Variants in NADK observed in about 807,000 individuals in gnomAD.
NADK encodes the protein poly(P)/ATP NAD kinase.
In NADK, 22 loss-of-function variants were observed where a neutral mutation model predicts 49.8. The ratio of observed to expected loss-of-function variants is 0.44; its 90% CI spans 0.32 to 0.63. NADK has a LOEUF of 0.63. Ranked by LOEUF, NADK falls within the 30% of genes least tolerant of loss-of-function variation. The probability of loss-of-function intolerance (pLI) is 0.06; values close to 1 mark genes in which losing one functional copy is unlikely to be tolerated. For synonymous variants in NADK, 268 were observed against 253.7 expected, an observed-to-expected ratio of 1.06 and a Z score of -0.54; for missense variants, 438 against 609.4, an observed-to-expected ratio of 0.72 and a Z score of 2.96.
At chr1:1,772,243 G>A (rs1325315596) in intron 1 of NADK, among the ~76,000 whole-genome samples, 1 of 151,438 alleles carries the variant, frequency 6.6e-6, no homozygotes, top group African/African-American at 2.4e-5. Flanking sequence ...GTTCACTGTA[G>A]CCTCTACCTA....
rs1646267422 is a variant in NADK at position 1,778,180 on chromosome 1, G to A, written c.-41+109C>T. 6.6e-6 allele frequency: 1 copy of A among 152,274 alleles called. No homozygotes were observed. Among genetic ancestry groups the A allele is most frequent in the Admixed American group, 6.5e-5 (1 of 15,290 alleles). The allele number at this position is 152,274 out of a possible 1,614,324, so 9.4% of individuals were successfully genotyped here. A position where few individuals can be genotyped will look rare whatever the true frequency, so the allele number is the denominator to read the frequency against. On this transcript the variant is annotated intron_variant, in intron 1 of 11. Coordinates refer to ENST00000341426, the MANE Select transcript of NADK (RefSeq NM_023018.5). This position sits in a 1 kb window ranked among gnomAD's most constrained non-coding sequence, Gnocchi z 4.9. Reference sequence around the variant, plus strand: ...CCACGGCCTCCTCAGCAGGCCAGATGGGCAGGGCCGGCCTGGTGTCTCCCC... The same window carrying A: ...CCACGGCCTCCTCAGCAGGCCAGATAGGCAGGGCCGGCCTGGTGTCTCCCC...
intron 1 of NADK, among the ~76,000 whole-genome samples, chr1:1,766,690 CTT>C (rs749259178): frequency 7.0e-5 from 10 of 143,246 alleles, no homozygotes; most frequent in Non-Finnish European, 7.7e-5. Flanking sequence ...TTTTCTTTTT[CTT>C]TTTTTTTTTT....
rs201229178 is a variant in NADK at position 1,765,322 on chromosome 1, C to T, written c.85G>A (p.Asp29Asn). 99 of 1,613,656 alleles carry T rather than the reference C, an allele frequency of 6.1e-5. No homozygotes were observed. Among genetic ancestry groups the T allele is most frequent in the Non-Finnish European group, 5.7e-5 (67 of 1,179,864 alleles). ...GGGTGGTTGTAACTCCAGGTCTCATCGCCGTGGCAGGCCGAGCAGCAGTAA... is the reference window on the plus strand; with the variant it reads ...GGGTGGTTGTAACTCCAGGTCTCATTGCCGTGGCAGGCCGAGCAGCAGTAA... Reference protein sequence around the residue: ...AAYCCSACHGDETWSYNHPIR... With the variant: ...AAYCCSACHGNETWSYNHPIR... Residue 29 changes from aspartate (D) to asparagine (N), a missense_variant, in exon 2 of 12, where the codon GAT becomes AAT. By Grantham distance (23) the Asp-to-Asn change is conservative. Coordinates refer to ENST00000341426, the MANE Select transcript of NADK (RefSeq NM_023018.5).
At chr1:1,777,869 A>G (rs554672272) in intron 1 of NADK, among the ~76,000 whole-genome samples, 1 of 152,180 alleles carries the variant, frequency 6.6e-6, no homozygotes, top group South Asian at 2.1e-4. Flanking sequence ...TGCTGTATAG[A>G]ATCTTTTATT....
chr1:1,754,025 G>A lies in NADK; in HGVS notation c.1101+26C>T, dbSNP rs369525449. 25 of 1,547,582 alleles carry A rather than the reference G, an allele frequency of 1.6e-5. No individual in the cohort carries two copies. The highest frequency in any genetic ancestry group is 5.5e-5 in the African/African-American group (4 of 72,340). ...CACGGGGTCAAATGACTCACAAACCGGAAAAGGAGTGTCGTTGGCTCTGAC... is the reference window on the plus strand; with the variant it reads ...CACGGGGTCAAATGACTCACAAACCAGAAAAGGAGTGTCGTTGGCTCTGAC... On this transcript the variant is annotated intron_variant, in intron 10 of 11. Transcript: ENST00000341426. This position sits in a 1 kb window ranked among gnomAD's most constrained non-coding sequence, Gnocchi z 4.3.
At chr1:1,769,617 G>A (rs548633563) in intron 1 of NADK, among the ~76,000 whole-genome samples, 3 of 152,118 alleles carry the variant, frequency 2.0e-5, no homozygotes, top group Admixed American at 2.0e-4. Flanking sequence ...AATTCCAGCT[G>A]CTGGAGAGGG....
Position 1,752,789 on chromosome 1 carries a change from G to T in NADK, c.*115C>A. On this transcript the variant is annotated 3_prime_UTR_variant, in exon 12 of 12. Transcript: ENST00000341426. ...AGACCCAGGCTCTAACCCAGCTACA[G>T]AAAGGAAGTGGCCGTGCCACTGAGA... The T allele has an allele frequency of 1.6e-6, 2 of 1,263,818 alleles. No homozygotes were observed. Among genetic ancestry groups the T allele is most frequent in the Admixed American group, 4.4e-5 (2 of 45,744 alleles). 78.3% of individuals were successfully genotyped at this position (1,263,818 alleles called of 1,614,324 possible).
chr1:1,778,482 C>A (rs1263260545), upstream of NADK: 1 of 148,482 alleles, frequency 6.7e-6, no homozygotes, highest in Non-Finnish European at 1.5e-5. This position sits in a 1 kb window ranked among gnomAD's most constrained non-coding sequence, Gnocchi z 4.9. Context: ...CGCAGGCGCA[C>A]CCGCCACGCA....
chr1:1,759,759 C>T, intron 3 of NADK: 1 of 1,555,982 alleles, frequency 6.4e-7, no homozygotes, highest in South Asian at 1.2e-5. Context: ...GGCTGTCTGG[C>T]CTCGGGCAGC....
intron 6 of NADK, chr1:1,755,883 G>A: frequency 2.2e-6 from 1 of 445,484 alleles, no homozygotes; most frequent in Non-Finnish European, 4.1e-6. Context: ...GCAGAGCCAG[G>A]GTCCCCCACA....
At chr1:1,774,898 G>C (rs1327179534) in intron 1 of NADK, among the ~76,000 whole-genome samples, 2 of 151,946 alleles carry the variant, frequency 1.3e-5, no homozygotes, top group African/African-American at 4.8e-5. Context: ...ACGACATCAG[G>C]AGTTCAACAC....
intron 1 of NADK, among the ~76,000 whole-genome samples, chr1:1,768,338 GA>G (rs368054652): frequency 1.7e-4 from 26 of 152,186 alleles, no homozygotes; most frequent in African/African-American, 6.3e-4. Flanking sequence ...AGGAGTTCAG[GA>G]ACAGCCTGGG....
intron 1 of NADK, among the ~76,000 whole-genome samples, chr1:1,767,984 C>T (rs991854655): frequency 6.6e-5 from 10 of 151,830 alleles, no homozygotes; most frequent in African/African-American, 2.4e-4. Context: ...ACCAGCCTGA[C>T]CAACATAGTG....
At chr1:1,773,676 TTG>T (rs57063985) in intron 1 of NADK, among the ~76,000 whole-genome samples, 8,609 of 116,394 alleles carry the variant, frequency 0.074, 388 homozygotes, top group African/African-American at 0.13. Context: ...AAGCTCTATT[TTG>T]TGTGTGTGTG....
intron 1 of NADK, among the ~76,000 whole-genome samples, chr1:1,769,723 A>C (rs1406630311): frequency 6.7e-6 from 1 of 149,148 alleles, no homozygotes; most frequent in Non-Finnish European, 1.5e-5. Context: ...GCAAGACTCC[A>C]TCTCAAATGA....
intron 1 of NADK, among the ~76,000 whole-genome samples, chr1:1,775,832 T>C (rs554889275): frequency 1.3e-5 from 2 of 152,298 alleles, no homozygotes; most frequent in East Asian, 1.9e-4. Context: ...ACCTTTGCAA[T>C]TGTGGGCCAG....
chr1:1,760,244 G>T (rs1645675796), intron 3 of NADK, among the ~76,000 whole-genome samples: 1 of 152,210 alleles, frequency 6.6e-6, no homozygotes, highest in South Asian at 2.1e-4. Context: ...GCAGTGACAG[G>T]TCACAGACAC....
intron 1 of NADK, among the ~76,000 whole-genome samples, chr1:1,776,166 G>A (rs1230556503): frequency 6.6e-6 from 1 of 152,140 alleles, no homozygotes; most frequent in Non-Finnish European, 1.5e-5. Flanking sequence ...TTTTCCAAGT[G>A]AGACCTACAT....
At position 1,752,929 on chromosome 1, in the gene NADK, T is replaced by TCCTCCA; in HGVS notation, c.1315_1316insTGGAGG (p.Glu438_Glu439insValGlu). The TCCTCCA allele has an allele frequency of 6.2e-7, 1 of 1,602,660 alleles. No individual in the cohort carries two copies. The highest frequency in any genetic ancestry group is 8.5e-7 in the Non-Finnish European group (1 of 1,175,064). On this transcript the variant is annotated inframe_insertion, in exon 12 of 12. Coordinates refer to ENST00000341426, the MANE Select transcript of NADK (RefSeq NM_023018.5). ...CTAGCCCTCCTCCTCCTCCTCCTCC[T>TCCTCCA]CCTCCTCGAAGTGGGCTTGCTTCTT... is the stretch of plus-strand genomic sequence containing the variant.
Sources: gnomAD v4.1 joint callset for allele counts (sites outside exome capture counted in the v4.1 genomes callset) on GRCh38, gnomAD v4.1.1 for gene constraint, Gnocchi (gnomAD v3.1) non-coding constraint, MANE v1.5 for transcripts, NCBI Gene and HGNC (gene_info 2026-07-23, HGNC 2026-07-21) for gene names.